TTC28: variants seen among roughly 807,000 people sequenced by gnomAD.
TTC28 encodes the protein tetratricopeptide repeat protein 28.
Under a neutral mutation model 198.0 loss-of-function variants are expected in TTC28, and 61 were observed. The observed-to-expected ratio is 0.31, with a 90% confidence interval of 0.25 to 0.38. The LOEUF (loss-of-function observed/expected upper bound fraction) is 0.38. TTC28 is among the 10% of genes least tolerant of loss of function. The pLI is 1.00. For synonymous variants in TTC28, 1,171 were observed against 1,297.8 expected (o/e 0.90, Z 2.10); for missense variants, 2,678 against 3,164.0 (o/e 0.85, Z 3.69).
chr22:28,010,681 G>A (rs1020512039), intron 14 of TTC28, among the ~76,000 whole-genome samples: 1 of 152,182 alleles, frequency 6.6e-6, no homozygotes, highest in African/African-American at 2.4e-5. Context: ...TGAAATCACT[G>A]TGCTGGCTGG....
intron 5 of TTC28, among the ~76,000 whole-genome samples, chr22:28,222,446 T>G (rs1187667113): frequency 6.6e-6 from 1 of 152,226 alleles, no homozygotes; most frequent in East Asian, 1.9e-4. Context: ...CTTGGTACCT[T>G]AATGTCTAAA....
At chr22:28,622,982 G>A (rs530601661) in intron 2 of TTC28, among the ~76,000 whole-genome samples, 7 of 151,678 alleles carry the variant, frequency 4.6e-5, no homozygotes, top group East Asian at 3.9e-4. Context: ...CCACCACACC[G>A]AGCTAATTTT....
intron 5 of TTC28, among the ~76,000 whole-genome samples, chr22:28,207,926 G>A (rs1601476736): frequency 6.6e-6 from 1 of 152,082 alleles, no homozygotes; most frequent in African/African-American, 2.4e-5. Flanking sequence ...AACTTGACTC[G>A]CATGAGGTTT....
intron 8 of TTC28, among the ~76,000 whole-genome samples, chr22:28,103,290 T>G (rs890411532): frequency 2.0e-5 from 3 of 152,194 alleles, no homozygotes; most frequent in South Asian, 2.1e-4. Context: ...CTTTCTTCAT[T>G]TGCAAGAAGA....
At chr22:28,423,003 T>C (rs1341949029) in intron 2 of TTC28, among the ~76,000 whole-genome samples, 3 of 152,192 alleles carry the variant, frequency 2.0e-5, no homozygotes. Flanking sequence ...AATGAAGAAA[T>C]ACAGATAATA....
At chr22:28,615,906 G>C (rs1045219239) in intron 2 of TTC28, among the ~76,000 whole-genome samples, 1 of 152,048 alleles carries the variant, frequency 6.6e-6, no homozygotes, top group East Asian at 1.9e-4. Flanking sequence ...TAACAAACCT[G>C]CACATTCTGC....
At chr22:28,273,633 A>T (rs766990655) in intron 5 of TTC28, among the ~76,000 whole-genome samples, 2 of 152,192 alleles carry the variant, frequency 1.3e-5, no homozygotes, top group Admixed American at 6.6e-5. Flanking sequence ...GGTATAATAT[A>T]TGCAGTAGAA....
chr22:28,316,440 A>G (rs1475695972), intron 2 of TTC28, among the ~76,000 whole-genome samples: 1 of 152,034 alleles, frequency 6.6e-6, no homozygotes, highest in Non-Finnish European at 1.5e-5. Context: ...TTGCTTTTCC[A>G]TATAAATCTT....
chr22:28,576,059 T>C (rs897257436), intron 2 of TTC28, among the ~76,000 whole-genome samples: 3 of 152,134 alleles, frequency 2.0e-5, no homozygotes, highest in African/African-American at 4.8e-5. Flanking sequence ...AGTGGGCATC[T>C]TTTCCTGTTC....
intron 5 of TTC28, among the ~76,000 whole-genome samples, chr22:28,192,960 G>C (rs1352520262): frequency 1.3e-5 from 2 of 152,108 alleles, no homozygotes; most frequent in African/African-American, 2.4e-5. Flanking sequence ...GATACGCCTT[G>C]ACAAGAGCAA....
At chr22:28,121,050 TC>T (rs970613895) in intron 6 of TTC28, among the ~76,000 whole-genome samples, 1 of 152,234 alleles carries the variant, frequency 6.6e-6, no homozygotes, top group African/African-American at 2.4e-5. Context: ...TTTACTGCTT[TC>T]AGTTTTTCTT....
intron 5 of TTC28, among the ~76,000 whole-genome samples, chr22:28,273,994 C>G (rs1932252843): frequency 6.6e-6 from 1 of 152,016 alleles, no homozygotes; most frequent in African/African-American, 2.4e-5. Context: ...CTGGTGTAGC[C>G]ATCAACAATA....
chr22:28,661,233 G>A (rs1393193543), intron 1 of TTC28, among the ~76,000 whole-genome samples: 1 of 151,990 alleles, frequency 6.6e-6, no homozygotes, highest in Non-Finnish European at 1.5e-5. Context: ...GCGGTGAGTC[G>A]AGATCGTGCC....
At position 28,641,650 on chromosome 22, in the gene TTC28, A is replaced by C. The variant is rs2051367677; in HGVS notation, c.103-11820T>G. 2.6e-5 allele frequency among the ~76,000 whole-genome samples: 4 copies of C among 152,194 alleles called. No individual in the cohort carries two copies. In the South Asian group the frequency reaches 8.3e-4, roughly 32 times the overall value. On this transcript the variant is annotated intron_variant, in intron 1 of 22. Coordinates refer to ENST00000397906, the MANE Select transcript of TTC28 (RefSeq NM_001145418.2). ...CTGAATTGTATACTTTAAAATGGTG[A>C]CTTTTATGGTGTGAATTGCATCTCA...
At chr22:28,298,786 C>G (rs982526366) in intron 3 of TTC28, among the ~76,000 whole-genome samples, 5 of 152,028 alleles carry the variant, frequency 3.3e-5, no homozygotes, top group African/African-American at 9.7e-5. Context: ...ATTAATAAAC[C>G]CTGTCCATAT....
At chr22:28,576,038 A>G (rs2050143780) in intron 2 of TTC28, among the ~76,000 whole-genome samples, 1 of 152,062 alleles carries the variant, frequency 6.6e-6, no homozygotes, top group Non-Finnish European at 1.5e-5. Flanking sequence ...ATGATGAATA[A>G]CAGTGGTGAA....
intron 14 of TTC28, among the ~76,000 whole-genome samples, chr22:28,009,385 G>A (rs1938049295): frequency 6.6e-6 from 1 of 152,276 alleles, no homozygotes; most frequent in Admixed American, 6.5e-5. Context: ...GTCTTGAAGT[G>A]TCAGTGATTC....
intron 2 of TTC28, chr22:28,460,048 T>C (rs995122954): frequency 6.6e-6 from 1 of 152,110 alleles, no homozygotes; most frequent in African/African-American, 2.4e-5. Context: ...TTTACCACAA[T>C]ATAAAATTTT....
At chr22:28,093,863 C>T (rs1941890472) in intron 12 of TTC28, among the ~76,000 whole-genome samples, 1 of 152,198 alleles carries the variant, frequency 6.6e-6, no homozygotes, top group Admixed American at 6.5e-5. Flanking sequence ...GGCCCTTCCC[C>T]ATCTGATGGA....
Sources: allele counts gnomAD v4.1 joint callset (sites outside exome capture counted in the v4.1 genomes callset), GRCh38; gene constraint gnomAD v4.1.1; transcripts MANE v1.5; gene names NCBI Gene and HGNC (gene_info 2026-07-23, HGNC 2026-07-21).